STK3: variants seen among roughly 807,000 people sequenced by gnomAD.
The protein encoded by STK3 is serine/threonine-protein kinase 3.
Under a neutral mutation model 58.0 loss-of-function variants are expected in STK3, and 41 were observed. That is an observed-to-expected ratio of 0.71 (90% CI 0.55 to 0.92). The LOEUF (loss-of-function observed/expected upper bound fraction) is 0.92. Among genes scored for constraint, STK3 ranks in the 40% least tolerant of loss-of-function variants. The pLI is 0.00. For missense variants in STK3, 479 were observed against 602.7 expected (o/e 0.79, Z 2.15); for synonymous variants, 170 against 191.0 (o/e 0.89, Z 0.91).
rs531974117 is a variant in STK3 at position 98,796,460 on chromosome 8, C to G, written c.27-21641G>C. Reference sequence around the variant, plus strand: ...CATACGCAAAAGAATGAAACTGGACCCCTAACTCAAGATAGATTAAAGATT... The same window carrying G: ...CATACGCAAAAGAATGAAACTGGACGCCTAACTCAAGATAGATTAAAGATT... On this transcript the variant is annotated intron_variant, in intron 1 of 10. Coordinates refer to ENST00000419617, the MANE Select transcript of STK3 (RefSeq NM_006281.4). Among the ~76,000 whole-genome samples, 4 of 152,174 alleles carry G rather than the reference C, an allele frequency of 2.6e-5. No homozygotes were observed. In the South Asian group the frequency reaches 8.3e-4, roughly 32 times the overall value.
At chr8:98,823,730 G>A (rs553250056) in intron 1 of STK3, among the ~76,000 whole-genome samples, 1 of 152,134 alleles carries the variant, frequency 6.6e-6, no homozygotes, top group Admixed American at 6.5e-5. Context: ...ACAGGGTCTC[G>A]CTCTGTCCCA....
At chr8:98,604,854 A>C (rs1816649834) in intron 6 of STK3, among the ~76,000 whole-genome samples, 1 of 152,230 alleles carries the variant, frequency 6.6e-6, no homozygotes, top group African/African-American at 2.4e-5. Context: ...AGAAGCAGCC[A>C]GGTCACCTCT....
chr8:98,439,260 T>A (rs1202684387), intron 1 of STK3: 1 of 152,076 alleles, frequency 6.6e-6, no homozygotes, highest in Non-Finnish European at 1.5e-5. Context: ...TGAAACGAGG[T>A]CAGAAGGGCC....
intron 8 of STK3, 84 bp downstream of exon 8, chr8:98,579,579 AG>A: frequency 1.4e-6 from 2 of 1,464,614 alleles, no homozygotes; most frequent in Non-Finnish European, 1.8e-6. Flanking sequence ...ATAGTAAAAC[AG>A]TAAGTGCTTT....
chr8:98,669,814 A>T (rs963570903), intron 6 of STK3, among the ~76,000 whole-genome samples: 2 of 152,150 alleles, frequency 1.3e-5, no homozygotes, highest in African/African-American at 4.8e-5. Flanking sequence ...ACCCTGTTCT[A>T]TGTATGGCCT....
intron 8 of STK3, among the ~76,000 whole-genome samples, chr8:98,578,949 G>A (rs1313974653): frequency 6.6e-6 from 1 of 152,082 alleles, no homozygotes; most frequent in Non-Finnish European, 1.5e-5. Context: ...TCAGGAGTTT[G>A]AGACCAGCCT....
At chr8:98,852,556 CAT>C (rs1465624861) in intron 3 of STK3, among the ~76,000 whole-genome samples, 1 of 152,232 alleles carries the variant, frequency 6.6e-6, no homozygotes, top group African/African-American at 2.4e-5. Context: ...TCTTCAAGGA[CAT>C]AGTTGACAAT....
chr8:98,444,172 G>A (rs937963757), intron 1 of STK3, among the ~76,000 whole-genome samples: 2 of 152,310 alleles, frequency 1.3e-5, no homozygotes, highest in South Asian at 2.1e-4. Context: ...AATACAGAAA[G>A]TGCGGTGACA....
At chr8:98,872,232 G>A (rs61443657) in intron 3 of STK3, among the ~76,000 whole-genome samples, 1 of 152,238 alleles carries the variant, frequency 6.6e-6, no homozygotes, top group Admixed American at 6.5e-5. Flanking sequence ...ATGTGCTGCT[G>A]GATTCAGTTT....
At chr8:98,756,846 G>A (rs1382619840) in intron 3 of STK3, among the ~76,000 whole-genome samples, 1 of 152,038 alleles carries the variant, frequency 6.6e-6, no homozygotes, top group Admixed American at 6.5e-5. Context: ...TACACTCTAG[G>A]GTCAACTTTT....
chr8:98,901,321 C>A (rs745954065), intron 1 of STK3, among the ~76,000 whole-genome samples: 1 of 152,178 alleles, frequency 6.6e-6, no homozygotes, highest in Non-Finnish European at 1.5e-5. Flanking sequence ...TCACAATAAG[C>A]TTTTATTAAC....
chr8:98,832,380 A>G (rs1250265490), intron 3 of STK3, among the ~76,000 whole-genome samples: 1 of 152,012 alleles, frequency 6.6e-6, no homozygotes, highest in Non-Finnish European at 1.5e-5. Context: ...TAACATTTAC[A>G]TGCATTAAAA....
chr8:98,677,327 C>T (rs991442888), intron 6 of STK3, among the ~76,000 whole-genome samples: 15 of 145,878 alleles, frequency 1.0e-4, no homozygotes, highest in East Asian at 8.3e-4. Flanking sequence ...CAAATCTCAC[C>T]GCACCCCCAC....
intron 8 of STK3, among the ~76,000 whole-genome samples, chr8:98,570,499 A>G (rs1410390629): frequency 6.6e-6 from 1 of 152,122 alleles, no homozygotes; most frequent in Non-Finnish European, 1.5e-5. Flanking sequence ...TCTTCCAAAC[A>G]TATTTGACCA....
At chr8:98,726,585 C>T (rs953307916) in intron 4 of STK3, among the ~76,000 whole-genome samples, 4 of 152,178 alleles carry the variant, frequency 2.6e-5, no homozygotes, top group African/African-American at 9.7e-5. Context: ...AAAAGTATCA[C>T]TTTCTACACA....
At chr8:98,487,387 T>C (rs1447977177) in intron 10 of STK3, among the ~76,000 whole-genome samples, 1 of 152,202 alleles carries the variant, frequency 6.6e-6, no homozygotes, top group Non-Finnish European at 1.5e-5. Flanking sequence ...CAATGAGACT[T>C]TGAGGTGATT....
intron 3 of STK3, among the ~76,000 whole-genome samples, chr8:98,426,488 C>A (rs541140858): frequency 6.6e-6 from 1 of 152,318 alleles, no homozygotes; most frequent in East Asian, 1.9e-4. Flanking sequence ...GCGACTCCCG[C>A]CCCCGCCGTG....
At chr8:98,934,018 G>A (rs1410839853) in intron 1 of STK3, among the ~76,000 whole-genome samples, 1 of 152,140 alleles carries the variant, frequency 6.6e-6, no homozygotes, top group Non-Finnish European at 1.5e-5. Context: ...TGTGTGTGGG[G>A]TCTGCTTGCA....
At chr8:98,655,858 A>G (rs1170125095) in intron 6 of STK3, among the ~76,000 whole-genome samples, 1 of 152,216 alleles carries the variant, frequency 6.6e-6, no homozygotes, top group African/African-American at 2.4e-5. Context: ...GAGGATGTGG[A>G]GAAATAGGAA....
Sources: allele counts gnomAD v4.1 joint callset (sites outside exome capture counted in the v4.1 genomes callset), GRCh38; gene constraint gnomAD v4.1.1; transcripts MANE v1.5; gene names NCBI Gene and HGNC (gene_info 2026-07-23, HGNC 2026-07-21).